PHF24: variants seen among roughly 807,000 people sequenced by gnomAD.
The protein encoded by PHF24 is Galpha inhibitory interacting protein.
In PHF24, 25 loss-of-function variants were observed where a neutral mutation model predicts 42.6. That is an observed-to-expected ratio of 0.59 (90% CI 0.43 to 0.82). The LOEUF (loss-of-function observed/expected upper bound fraction) is 0.82, where lower values mean the gene tolerates loss of function less well. Ranked by LOEUF, PHF24 falls within the 40% of genes least tolerant of loss-of-function variation. PHF24 has a pLI of 0.00. For synonymous variants in PHF24, 185 were observed against 204.8 expected, an observed-to-expected ratio of 0.90 and a Z score of 0.83; for missense variants, 470 against 538.1, an observed-to-expected ratio of 0.87 and a Z score of 1.25.
the PHF24 span, among the ~76,000 whole-genome samples, chr9:34,907,949 T>G: frequency 6.6e-6 from 1 of 152,052 alleles, no homozygotes; most frequent in Non-Finnish European, 1.5e-5. Context: ...TTCAAGCAAT[T>G]CTCCTGCCTC....
At chr9:34,733,151 G>A in the PHF24 span, among the ~76,000 whole-genome samples, 10 of 152,126 alleles carry the variant, frequency 6.6e-5, no homozygotes, top group Non-Finnish European at 1.3e-4. Flanking sequence ...CTCTGTAAGG[G>A]TGCCTCTCTT....
At chr9:34,697,914 G>T in the PHF24 span, among the ~76,000 whole-genome samples, 1 of 152,240 alleles carries the variant, frequency 6.6e-6, no homozygotes. Flanking sequence ...TGGAATTCTT[G>T]CGTGGTAGAG....
chr9:34,957,643 A>G (rs1396191228), upstream of PHF24: 1 of 152,262 alleles, frequency 6.6e-6, no homozygotes, highest in Non-Finnish European at 1.5e-5. Flanking sequence ...GGGCCAGCCG[A>G]GGATTATGTG....
the PHF24 span, among the ~76,000 whole-genome samples, chr9:34,881,972 T>C: frequency 6.6e-6 from 1 of 152,154 alleles, no homozygotes; most frequent in African/African-American, 2.4e-5. Flanking sequence ...AATAAAATAC[T>C]GGCAAACCAA....
the PHF24 span, among the ~76,000 whole-genome samples, chr9:34,702,131 C>A: frequency 6.6e-6 from 1 of 152,094 alleles, no homozygotes; most frequent in Non-Finnish European, 1.5e-5. Context: ...TTGTCTTGCC[C>A]ATAAGTGGAC....
chr9:34,903,317 T>C, the PHF24 span, among the ~76,000 whole-genome samples: 497 of 152,184 alleles, frequency 3.3e-3, 3 homozygotes, highest in African/African-American at 0.011. Context: ...AATTTTAAGA[T>C]AGGAGCCCGG....
At chr9:34,674,802 TAG>T in the PHF24 span, among the ~76,000 whole-genome samples, 1 of 152,244 alleles carries the variant, frequency 6.6e-6, no homozygotes, top group Non-Finnish European at 1.5e-5. Context: ...TGTGTGTGGG[TAG>T]AGACACGTAG....
At chr9:34,773,274 G>C in the PHF24 span, among the ~76,000 whole-genome samples, 30 of 152,196 alleles carry the variant, frequency 2.0e-4, no homozygotes, top group Non-Finnish European at 7.3e-5. Context: ...ACAAGCATGA[G>C]CCACCGTGCC....
At chr9:34,676,987 G>A in the PHF24 span, among the ~76,000 whole-genome samples, 6 of 152,212 alleles carry the variant, frequency 3.9e-5, no homozygotes, top group Non-Finnish European at 7.3e-5. Context: ...TGGGGATGAC[G>A]CTTCAACATG....
chr9:34,835,453 G>A, the PHF24 span: 61 of 1,551,950 alleles, frequency 3.9e-5, 1 homozygote, highest in African/African-American at 6.7e-4. Context: ...GAAATGGCAG[G>A]TGGGCAGGGA....
At chr9:34,669,804 A>C in the PHF24 span, among the ~76,000 whole-genome samples, 1 of 151,968 alleles carries the variant, frequency 6.6e-6, no homozygotes, top group African/African-American at 2.4e-5. Flanking sequence ...AAGTAATAGG[A>C]GTGTCTTTAT....
chr9:34,712,302 A>G, the PHF24 span, among the ~76,000 whole-genome samples: 1 of 150,078 alleles, frequency 6.7e-6, no homozygotes, highest in Admixed American at 6.6e-5. Flanking sequence ...TCCTTCTTAG[A>G]GTTTGTGAAC....
chr9:34,743,111 C>T, the PHF24 span, among the ~76,000 whole-genome samples: 1 of 152,212 alleles, frequency 6.6e-6, no homozygotes, highest in Non-Finnish European at 1.5e-5. Context: ...CTCACTTGAA[C>T]ATTTTCCCCA....
chr9:34,727,949 T>G, the PHF24 span: 1 of 1,410,468 alleles, frequency 7.1e-7, no homozygotes, highest in Non-Finnish European at 9.7e-7. Context: ...TCCTTAGTCC[T>G]GCCCCAGGCC....
chr9:34,692,620 C>T, the PHF24 span, among the ~76,000 whole-genome samples: 1 of 152,010 alleles, frequency 6.6e-6, no homozygotes, highest in South Asian at 2.1e-4. Flanking sequence ...TTACTAACTG[C>T]GACAAGGTGA....
upstream of PHF24, chr9:34,957,606 C>G (rs142601351): frequency 6.6e-6 from 1 of 152,250 alleles, no homozygotes; most frequent in East Asian, 1.9e-4. Context: ...AACCAATAAT[C>G]CCAGAAAACA....
At chr9:34,677,931 C>T in the PHF24 span, among the ~76,000 whole-genome samples, 1 of 152,082 alleles carries the variant, frequency 6.6e-6, no homozygotes, top group African/African-American at 2.4e-5. Context: ...GTGGTTAATA[C>T]TGAGTGTCAA....
chr9:34,882,901 G>A, the PHF24 span, among the ~76,000 whole-genome samples: 1 of 152,152 alleles, frequency 6.6e-6, no homozygotes, highest in Admixed American at 6.5e-5. Context: ...GGCCCACATT[G>A]CCAAGACAAT....
the PHF24 span, among the ~76,000 whole-genome samples, chr9:34,777,703 T>C: frequency 6.6e-6 from 1 of 152,228 alleles, no homozygotes; most frequent in Non-Finnish European, 1.5e-5. Context: ...CCATGGTAGC[T>C]GGTGCCTAAT....
Sources: gnomAD v4.1 joint callset for allele counts (sites outside exome capture counted in the v4.1 genomes callset) on GRCh38, gnomAD v4.1.1 for gene constraint, MANE v1.5 for transcripts, NCBI Gene and HGNC (gene_info 2026-07-23, HGNC 2026-07-21) for gene names.